The following KCND2 variants were observed in gnomAD, a reference collection of about 807,000 sequenced individuals.
KCND2 encodes potassium voltage-gated channel subfamily D member 2.
KCND2 carries 16 observed loss-of-function variants against 54.4 expected under a neutral mutation model. That is an observed-to-expected ratio of 0.29 (90% confidence interval 0.20 to 0.45). The LOEUF is 0.45. Among genes scored for constraint, KCND2 ranks in the 20% least tolerant of loss-of-function variants. The pLI is 1.00. For synonymous variants in KCND2, 317 were observed against 310.7 expected, an observed-to-expected ratio of 1.02 and a Z score of -0.21; for missense variants, 486 against 824.2, an observed-to-expected ratio of 0.59 and a Z score of 5.02.
At chr7:120,527,856 G>A (rs1056272427) in intron 1 of KCND2, among the ~76,000 whole-genome samples, 19 of 151,966 alleles carry the variant, frequency 1.3e-4, no homozygotes, top group African/African-American at 3.1e-4. Flanking sequence ...ATAAATGGAC[G>A]AATGTATACA....
intron 1 of KCND2, among the ~76,000 whole-genome samples, chr7:120,465,714 G>C (rs892606438): frequency 2.0e-5 from 3 of 152,108 alleles, no homozygotes; most frequent in African/African-American, 7.2e-5. Context: ...AGTAGAGCTG[G>C]CTAAATATAT....
chr7:120,724,386 T>C (rs531111933), intron 1 of KCND2, among the ~76,000 whole-genome samples: 7 of 152,254 alleles, frequency 4.6e-5, no homozygotes, highest in African/African-American at 1.7e-4. Flanking sequence ...TCAATGGAAA[T>C]TGGAAATTAC....
chr7:120,674,962 T>C (rs1792039690), intron 1 of KCND2, among the ~76,000 whole-genome samples: 2 of 152,134 alleles, frequency 1.3e-5, no homozygotes, highest in Non-Finnish European at 2.9e-5. Flanking sequence ...TTTTCAGTAG[T>C]TTTATAATTA....
intron 1 of KCND2, among the ~76,000 whole-genome samples, chr7:120,575,738 C>T (rs1237597700): frequency 6.6e-6 from 1 of 152,138 alleles, no homozygotes; most frequent in Non-Finnish European, 1.5e-5. Context: ...CAAACGAATA[C>T]GTTCTTATTT....
Position 120,747,664 on chromosome 7 carries a change from A to AT in KCND2, c.1716-8dup, listed in dbSNP as rs570695615. 5.6e-4 allele frequency: 870 copies of AT among 1,563,672 alleles called. No individual in the cohort carries two copies. Among genetic ancestry groups the AT allele is most frequent in the Middle Eastern group, 1.2e-3 (7 of 5,926 alleles). On this transcript the variant is annotated splice_polypyrimidine_tract_variant and intron_variant, in intron 5 of 5. Transcript: ENST00000331113. ...AAGTAAACAACTTACTTTCCTAAATATTTTTTTTTCTATCAGCCGATCCAG... is the reference window on the plus strand; with the variant it reads ...AAGTAAACAACTTACTTTCCTAAATATTTTTTTTTTCTATCAGCCGATCCAG...
At chr7:120,462,213 G>GTT (rs138425653) in intron 1 of KCND2, among the ~76,000 whole-genome samples, 9 of 143,800 alleles carry the variant, frequency 6.3e-5, no homozygotes, top group African/African-American at 2.0e-4. Flanking sequence ...ATTCTTTTTT[G>GTT]TTTTTTTTTT....
At chr7:120,572,507 G>A (rs1265985011) in intron 1 of KCND2, among the ~76,000 whole-genome samples, 1 of 151,712 alleles carries the variant, frequency 6.6e-6, no homozygotes, top group African/African-American at 2.4e-5. Flanking sequence ...AATAGTTTGA[G>A]AAAGTGTGAA....
At chr7:120,457,874 G>C (rs1308665896) in intron 1 of KCND2, among the ~76,000 whole-genome samples, 1 of 152,106 alleles carries the variant, frequency 6.6e-6, no homozygotes, top group Non-Finnish European at 1.5e-5. Flanking sequence ...ACAAAGACAT[G>C]ACCAAGACTG....
At chr7:120,642,151 A>G (rs541689794) in intron 1 of KCND2, among the ~76,000 whole-genome samples, 1 of 152,274 alleles carries the variant, frequency 6.6e-6, no homozygotes, top group African/African-American at 2.4e-5. Flanking sequence ...TTCTATTTAT[A>G]TCACGAATAC....
chr7:120,306,423 GA>G (rs1311629767), intron 1 of KCND2, among the ~76,000 whole-genome samples: 8 of 151,956 alleles, frequency 5.3e-5, no homozygotes, highest in Admixed American at 6.6e-5. Context: ...TGAATTAAAT[GA>G]AGCTTTAATT....
rs77419619 is a variant in KCND2 at position 120,603,960 on chromosome 7, C to T, written c.1116-128943C>T. Reference sequence around the variant, plus strand: ...TTTTGTCATTAAACAGACCTGGATTCAGGACTGAATCTCACCTCTTGTTGC... The same window carrying T: ...TTTTGTCATTAAACAGACCTGGATTTAGGACTGAATCTCACCTCTTGTTGC... On this transcript the variant is annotated intron_variant, in intron 1 of 5. Transcript: ENST00000331113. Among the ~76,000 whole-genome samples the T allele has an allele frequency of 2.4e-3, 370 of 152,232 alleles. 10 individuals are homozygous for T. The East Asian group carries it at 0.056, about 23-fold the overall frequency.
At chr7:120,302,342 G>A (rs576419831) in intron 1 of KCND2, among the ~76,000 whole-genome samples, 5 of 152,200 alleles carry the variant, frequency 3.3e-5, no homozygotes, top group South Asian at 2.1e-4. Context: ...TCACTGCAAC[G>A]TACGCCTCTG....
intron 1 of KCND2, among the ~76,000 whole-genome samples, chr7:120,277,586 G>A (rs1278381091): frequency 2.0e-5 from 3 of 151,980 alleles, no homozygotes; most frequent in Non-Finnish European, 4.4e-5. Context: ...GTGTCTATAT[G>A]ATTGAATATA....
intron 1 of KCND2, among the ~76,000 whole-genome samples, chr7:120,675,674 T>C (rs1206462098): frequency 6.6e-6 from 1 of 152,136 alleles, no homozygotes; most frequent in Non-Finnish European, 1.5e-5. Flanking sequence ...CAGGCCTGTG[T>C]GCAGGCAGCT....
intron 1 of KCND2, among the ~76,000 whole-genome samples, chr7:120,711,806 T>C (rs1300045625): frequency 6.6e-6 from 1 of 152,194 alleles, no homozygotes; most frequent in Non-Finnish European, 1.5e-5. Flanking sequence ...TTATTTTTTA[T>C]TTTAATGTAA....
intron 1 of KCND2, among the ~76,000 whole-genome samples, chr7:120,698,022 C>CTTTTTTTTTTTTTTTTTTTTT (rs35589294): frequency 1.2e-5 from 1 of 85,592 alleles, no homozygotes; most frequent in Non-Finnish European, 2.1e-5. Flanking sequence ...TAGATTTGCC[C>CTTTTTTTTTTTTTTTTTTTTT]TTTTTTTTTT....
chr7:120,413,038 C>T (rs906282343), intron 1 of KCND2, among the ~76,000 whole-genome samples: 1 of 151,986 alleles, frequency 6.6e-6, no homozygotes, highest in Non-Finnish European at 1.5e-5. Context: ...CAGTTGCTTG[C>T]AGTAGAATTT....
At chr7:120,344,163 A>G (rs1455462224) in intron 1 of KCND2, among the ~76,000 whole-genome samples, 3 of 152,192 alleles carry the variant, frequency 2.0e-5, no homozygotes, top group African/African-American at 7.2e-5. Context: ...TCTGGACTAG[A>G]TTCTTATTAC....
At chr7:120,346,077 AT>A (rs1282345064) in intron 1 of KCND2, among the ~76,000 whole-genome samples, 2 of 152,024 alleles carry the variant, frequency 1.3e-5, no homozygotes, top group African/African-American at 2.4e-5. Flanking sequence ...TTTGATATGC[AT>A]TTTCCTAATA....
Sources: allele counts gnomAD v4.1 joint callset (sites outside exome capture counted in the v4.1 genomes callset), GRCh38; gene constraint gnomAD v4.1.1; transcripts MANE v1.5; gene names NCBI Gene and HGNC (gene_info 2026-07-23, HGNC 2026-07-21).